PALS1: variants seen among roughly 807,000 people sequenced by gnomAD.
PALS1 encodes the protein protein associated with LIN7 1, MAGUK p55 family member.
In PALS1, 31 loss-of-function variants were observed where a neutral mutation model predicts 78.9. The ratio of observed to expected loss-of-function variants is 0.39; its 90% CI spans 0.30 to 0.53. PALS1 has a LOEUF of 0.53. Among genes scored for constraint, PALS1 ranks in the 20% least tolerant of loss-of-function variants. PALS1 has a pLI of 0.67. For synonymous variants in PALS1, 276 were observed against 270.9 expected (o/e 1.02, Z -0.18); for missense variants, 704 against 826.5 (o/e 0.85, Z 1.82).
intron 1 of PALS1, among the ~76,000 whole-genome samples, chr14:67,266,372 C>CTGAA (rs1207822184): frequency 7.9e-5 from 12 of 152,210 alleles, no homozygotes; most frequent in East Asian, 7.7e-4. Flanking sequence ...GTTGCCCAGT[C>CTGAA]TGAAGTGCAG....
chr14:67,303,418 G>A (rs2084956532), intron 7 of PALS1, 104 bp from the exon 8 acceptor site: 2 of 830,474 alleles, frequency 2.4e-6, no homozygotes, highest in Admixed American at 3.9e-5. Context: ...TTAAGTCTGT[G>A]GAGGGGTTCT....
intron 8 of PALS1, among the ~76,000 whole-genome samples, chr14:67,305,844 C>T (rs758341318): frequency 6.6e-6 from 1 of 152,206 alleles, no homozygotes; most frequent in African/African-American, 2.4e-5. Context: ...CTGGTTTAAT[C>T]TGAAGACCAA....
At chr14:67,329,067 G>A (rs2085402101) in intron 14 of PALS1, among the ~76,000 whole-genome samples, 1 of 152,120 alleles carries the variant, frequency 6.6e-6, no homozygotes, top group Non-Finnish European at 1.5e-5. Flanking sequence ...ATTACCTTGG[G>A]CAGTATGGCC....
intron 1 of PALS1, among the ~76,000 whole-genome samples, chr14:67,266,586 A>G (rs1324075904): frequency 2.6e-5 from 4 of 152,044 alleles, no homozygotes; most frequent in East Asian, 1.9e-4. Flanking sequence ...TCGGCCTCCC[A>G]AAGTGTTGGG....
At chr14:67,258,716 C>T (rs1355695797) in intron 1 of PALS1, among the ~76,000 whole-genome samples, 1 of 152,036 alleles carries the variant, frequency 6.6e-6, no homozygotes, top group East Asian at 1.9e-4. Flanking sequence ...GCCACTATGC[C>T]CAGCCTTCAG....
At chr14:67,316,002 A>G (rs1049102310) in intron 9 of PALS1, among the ~76,000 whole-genome samples, 1 of 152,252 alleles carries the variant, frequency 6.6e-6, no homozygotes, top group Non-Finnish European at 1.5e-5. Context: ...TACACTTACG[A>G]AATGCACTAA....
chr14:67,297,242 A>G (rs1263467703), intron 4 of PALS1, among the ~76,000 whole-genome samples: 5 of 152,252 alleles, frequency 3.3e-5, no homozygotes. Context: ...TTTTGGCAGT[A>G]CCAGTCAGTG....
intron 1 of PALS1, among the ~76,000 whole-genome samples, chr14:67,244,987 C>T (rs1336800982): frequency 6.6e-6 from 1 of 152,066 alleles, no homozygotes; most frequent in African/African-American, 2.4e-5. Context: ...AACAATTGGT[C>T]AGAGAAGTGC....
chr14:67,247,403 G>T (rs550174928), intron 1 of PALS1, among the ~76,000 whole-genome samples: 1 of 152,066 alleles, frequency 6.6e-6, no homozygotes, highest in African/African-American at 2.4e-5. Flanking sequence ...AGCTCTAGGA[G>T]CTTTTTTATT....
At chr14:67,282,082 A>G (rs2084615016) in intron 3 of PALS1, among the ~76,000 whole-genome samples, 1 of 152,208 alleles carries the variant, frequency 6.6e-6, no homozygotes, top group Non-Finnish European at 1.5e-5. Context: ...TAGTCAACAC[A>G]GATATCTGTT....
intron 1 of PALS1, among the ~76,000 whole-genome samples, chr14:67,255,365 A>G (rs2084130581): frequency 1.3e-5 from 2 of 152,214 alleles, no homozygotes; most frequent in Non-Finnish European, 2.9e-5. Context: ...TGTAATCAGA[A>G]TCATGAACCT....
In PALS1 at chr14:67,280,837, T is replaced by TTCCTTCCTTCCC. The variant is rs1491180704; in HGVS notation, c.367+1311_367+1312insCTCCTTCCTTCC. ...CTTCCTTCCTTCCTTCCTTCCTTCC[T>TTCCTTCCTTCCC]TCCTTCCTTCCTTCCTTCCCTCCCT... On this transcript the variant is annotated intron_variant, in intron 3 of 14. Coordinates refer to ENST00000261681, the MANE Select transcript of PALS1 (RefSeq NM_022474.4). 6.1e-4 allele frequency among the ~76,000 whole-genome samples: 81 copies of TTCCTTCCTTCCC among 133,522 alleles called. 2 individuals are homozygous for TTCCTTCCTTCCC. The highest frequency in any genetic ancestry group is 2.4e-3 in the African/African-American group (75 of 31,496). The allele number at this position is 133,522 out of a possible 152,430, so 87.6% of individuals were successfully genotyped here. A position where few individuals can be genotyped will look rare whatever the true frequency, so the allele number is the denominator to read the frequency against.
intron 7 of PALS1, among the ~76,000 whole-genome samples, chr14:67,303,227 T>G (rs2084953674): frequency 6.6e-6 from 1 of 152,220 alleles, no homozygotes. Flanking sequence ...TTGAGTGCAA[T>G]TTATGATCAC....
intron 1 of PALS1, among the ~76,000 whole-genome samples, chr14:67,251,995 G>A (rs1011063245): frequency 2.0e-5 from 3 of 152,072 alleles, no homozygotes; most frequent in Non-Finnish European, 4.4e-5. Flanking sequence ...CTGGGTTGGC[G>A]AATATTTCAA....
intron 14 of PALS1, among the ~76,000 whole-genome samples, chr14:67,329,660 C>T (rs1230784134): frequency 6.6e-6 from 1 of 151,978 alleles, no homozygotes; most frequent in Admixed American, 6.6e-5. Context: ...GGACGCATCA[C>T]TTGAGGCCAG....
At chr14:67,294,559 T>G (rs1189900625) in intron 4 of PALS1, 1 of 152,172 alleles carries the variant, frequency 6.6e-6, no homozygotes, top group African/African-American at 2.4e-5. Context: ...AGTTAAACAT[T>G]AGGTATCATA....
intron 14 of PALS1, among the ~76,000 whole-genome samples, chr14:67,328,837 A>G (rs1425728992): frequency 2.0e-5 from 3 of 152,050 alleles, no homozygotes; most frequent in African/African-American, 4.8e-5. Context: ...ATTGGTCTGT[A>G]TCTCTGTTTT....
chr14:67,260,663 T>G (rs891671754), intron 1 of PALS1, among the ~76,000 whole-genome samples: 1 of 152,162 alleles, frequency 6.6e-6, no homozygotes, highest in Non-Finnish European at 1.5e-5. Context: ...GATTTTTTCT[T>G]GGTATAAGAA....
chr14:67,312,120 T>A (rs1175064759), intron 8 of PALS1: 2 of 153,138 alleles, frequency 1.3e-5, no homozygotes, highest in African/African-American at 4.8e-5. Flanking sequence ...TCTCTCAAGC[T>A]TTTGAGGCAC....
Sources: allele counts gnomAD v4.1 joint callset (sites outside exome capture counted in the v4.1 genomes callset), GRCh38; gene constraint gnomAD v4.1.1; transcripts MANE v1.5; gene names NCBI Gene and HGNC (gene_info 2026-07-23, HGNC 2026-07-21).